TRIM33: variants seen among roughly 807,000 people sequenced by gnomAD.
TRIM33 encodes E3 ubiquitin-protein ligase TRIM33.
A neutral mutation model predicts 125.4 loss-of-function variants in TRIM33; 20 were observed. That is an observed-to-expected ratio of 0.16 (90% CI 0.11 to 0.23). The LOEUF (loss-of-function observed/expected upper bound fraction) is 0.23. Among genes scored for constraint, TRIM33 ranks in the 10% least tolerant of loss-of-function variants. The pLI, the probability that TRIM33 is intolerant of heterozygous loss-of-function variation, is 1.00. For missense variants in TRIM33, 920 were observed against 1,411.4 expected, an observed-to-expected ratio of 0.65 and a Z score of 5.58; for synonymous variants, 564 against 513.9, an observed-to-expected ratio of 1.10 and a Z score of -1.32.
At chr1:114,424,240 C>T (rs1250501099) in intron 10 of TRIM33, among the ~76,000 whole-genome samples, 1 of 152,092 alleles carries the variant, frequency 6.6e-6, no homozygotes, top group East Asian at 1.9e-4. Flanking sequence ...ATTAAAAGAG[C>T]AGAGCAGCAT....
chr1:114,403,308 TTC>T (rs1250312277), intron 15 of TRIM33, among the ~76,000 whole-genome samples: 2 of 152,164 alleles, frequency 1.3e-5, no homozygotes, highest in Non-Finnish European at 2.9e-5. Flanking sequence ...AGTAAATCAG[TTC>T]TTTTTTCGTG....
At chr1:114,398,932 A>C (rs554809988) in intron 18 of TRIM33, among the ~76,000 whole-genome samples, 3 of 149,672 alleles carry the variant, frequency 2.0e-5, no homozygotes, top group African/African-American at 7.3e-5. Context: ...AAAACAAAAC[A>C]AAAAACAAAA....
intron 1 of TRIM33, among the ~76,000 whole-genome samples, chr1:114,510,069 C>T (rs1653247296): frequency 6.6e-6 from 1 of 152,110 alleles, no homozygotes; most frequent in African/African-American, 2.4e-5. Context: ...TTCTCTCCAC[C>T]TCCATTTAAT....
chr1:114,476,970 C>G (rs1202342884), intron 1 of TRIM33, among the ~76,000 whole-genome samples: 1 of 152,042 alleles, frequency 6.6e-6, no homozygotes, highest in Admixed American at 6.6e-5. Context: ...TTTATAGAGC[C>G]CGACATTGTT....
intron 5 of TRIM33, among the ~76,000 whole-genome samples, chr1:114,432,324 C>A (rs1259873278): frequency 6.6e-6 from 1 of 152,194 alleles, no homozygotes; most frequent in African/African-American, 2.4e-5. Flanking sequence ...TTGAAAGAGA[C>A]ATCCATCTAT....
chr1:114,450,099 T>G (rs1649221263), intron 4 of TRIM33, among the ~76,000 whole-genome samples: 1 of 152,170 alleles, frequency 6.6e-6, no homozygotes, highest in South Asian at 2.1e-4. Flanking sequence ...AGCTACAGAA[T>G]TCTAGATCAA....
At chr1:114,493,674 C>T (rs992694044) in intron 1 of TRIM33, among the ~76,000 whole-genome samples, 2 of 151,186 alleles carry the variant, frequency 1.3e-5, no homozygotes, top group African/African-American at 2.4e-5. Context: ...GTTGTACCAA[C>T]ATCCTTTTTT....
In TRIM33 at chr1:114,413,327, G is replaced by A. The variant is rs193150846; in HGVS notation, c.2062-3011C>T. Among the ~76,000 whole-genome samples the A allele has an allele frequency of 6.0e-4, 91 of 152,136 alleles. 1 individual carries two copies. The highest frequency in any genetic ancestry group is 9.3e-4 in the Non-Finnish European group (63 of 68,008). On this transcript the variant is annotated intron_variant, in intron 11 of 19. Coordinates refer to ENST00000358465, the MANE Select transcript of TRIM33 (RefSeq NM_015906.4). Reference sequence around the variant, plus strand: ...TAATCCCAGCACTTTAGGAGGCCGAGGTGAGCAGATCACCTGAGGTTGGGA... The same window carrying A: ...TAATCCCAGCACTTTAGGAGGCCGAAGTGAGCAGATCACCTGAGGTTGGGA...
intron 4 of TRIM33, among the ~76,000 whole-genome samples, chr1:114,453,130 G>A (rs560652996): frequency 1.4e-4 from 21 of 152,120 alleles, no homozygotes; most frequent in South Asian, 2.1e-4. Flanking sequence ...TTGGGAAGCC[G>A]AGGTGGGCAG....
Position 114,492,699 on chromosome 1 carries a change from A to C in TRIM33, c.526+17852T>G, listed in dbSNP as rs148817943. On this transcript the variant is annotated intron_variant, in intron 1 of 19. Transcript: ENST00000358465. ...ATATTTGCCCTCTTATGTCTGTCTTATTTCACTTATGTTTGCAAGGTTTAC... is the reference window on the plus strand; with the variant it reads ...ATATTTGCCCTCTTATGTCTGTCTTCTTTCACTTATGTTTGCAAGGTTTAC... Among the ~76,000 whole-genome samples, 922 of 152,220 alleles carry C rather than the reference A, an allele frequency of 6.1e-3. 3 individuals carry two copies. Among genetic ancestry groups the C allele is most frequent in the African/African-American group, 0.013 (527 of 41,546 alleles).
In TRIM33 at chr1:114,397,429, G is replaced by T; in HGVS notation, c.*219C>A. 1.9e-6 allele frequency: 1 copy of T among 537,958 alleles called. No homozygotes were observed. The highest frequency in any genetic ancestry group is 3.3e-6 in the Non-Finnish European group (1 of 304,948). The allele number at this position is 537,958 out of a possible 1,614,324, so 33.3% of individuals were successfully genotyped here. A position where few individuals can be genotyped will look rare whatever the true frequency, so the allele number is the denominator to read the frequency against. On this transcript the variant is annotated 3_prime_UTR_variant, in exon 20 of 20. Transcript: ENST00000358465. ...TCATTTCACTTTTGCTTTTTGCTTT[G>T]AAACTTGCAAACAGACTTCTCTCCC...
chr1:114,507,686 A>C (rs1471610284), intron 1 of TRIM33, among the ~76,000 whole-genome samples: 1 of 152,236 alleles, frequency 6.6e-6, no homozygotes, highest in Non-Finnish European at 1.5e-5. Flanking sequence ...CTTTAGCGTA[A>C]AATAGCTAAA....
chr1:114,502,588 C>A (rs1652778350), intron 1 of TRIM33, among the ~76,000 whole-genome samples: 2 of 152,164 alleles, frequency 1.3e-5, no homozygotes, highest in African/African-American at 4.8e-5. Context: ...TTCACTGTAG[C>A]CTCAACCTCC....
rs113241190 is a variant in TRIM33 at position 114,413,833 on chromosome 1, C to T, written c.2062-3517G>A. On this transcript the variant is annotated intron_variant, in intron 11 of 19. Coordinates refer to ENST00000358465, the MANE Select transcript of TRIM33 (RefSeq NM_015906.4). ...AGGAGTTCAAAACCAGTCTAGTCAACTATTAGTAGCAAGACCCCATCTCTA... is the reference window on the plus strand; with the variant it reads ...AGGAGTTCAAAACCAGTCTAGTCAATTATTAGTAGCAAGACCCCATCTCTA... 1.9e-3 allele frequency among the ~76,000 whole-genome samples: 291 copies of T among 151,818 alleles called. 1 individual carries two copies. The highest frequency in any genetic ancestry group is 6.6e-3 in the African/African-American group (274 of 41,408).
rs367778851 is a variant in TRIM33 at position 114,414,784 on chromosome 1, A to G, written c.2062-4468T>C. On this transcript the variant is annotated intron_variant, in intron 11 of 19. Transcript: ENST00000358465. ...AAGACAAGTACAAAGTACTCAACAC[A>G]CTTGGATGAATGCTTATAATTTTCC... is the stretch of plus-strand genomic sequence containing the variant. 3.5e-3 allele frequency among the ~76,000 whole-genome samples: 530 copies of G among 152,214 alleles called. 4 individuals carry two copies. The highest frequency in any genetic ancestry group is 4.3e-3 in the Non-Finnish European group (293 of 68,022).
At chr1:114,465,112 T>C (rs1275585517) in intron 1 of TRIM33, among the ~76,000 whole-genome samples, 1 of 152,220 alleles carries the variant, frequency 6.6e-6, no homozygotes, top group African/African-American at 2.4e-5. Context: ...ATATACAATC[T>C]ATCATCTTAT....
At chr1:114,477,233 T>C (rs1651029675) in intron 1 of TRIM33, among the ~76,000 whole-genome samples, 1 of 151,328 alleles carries the variant, frequency 6.6e-6, no homozygotes, top group Admixed American at 6.6e-5. Context: ...TGGCATATGA[T>C]AAAATTCAGA....
chr1:114,399,786 A>G (rs907973788), intron 17 of TRIM33, among the ~76,000 whole-genome samples, 177 bp from the exon 18 acceptor site: 8 of 152,152 alleles, frequency 5.3e-5, no homozygotes, highest in Non-Finnish European at 1.0e-4. Flanking sequence ...CTTATGTGGC[A>G]TATGTGCCAA....
At chr1:114,401,558 C>A in intron 16 of TRIM33, 95 bp from the exon 17 acceptor site, 1 of 993,994 alleles carries the variant, frequency 1.0e-6, no homozygotes, top group Non-Finnish European at 1.5e-6. Flanking sequence ...AGTTTGATTA[C>A]AACAAACTGA....
Sources: allele counts gnomAD v4.1 joint callset (sites outside exome capture counted in the v4.1 genomes callset), GRCh38; gene constraint gnomAD v4.1.1; transcripts MANE v1.5; gene names NCBI Gene and HGNC (gene_info 2026-07-23, HGNC 2026-07-21).